Variants in MLYCD observed in about 807,000 individuals in gnomAD.
MLYCD encodes the protein malonyl-CoA decarboxylase, mitochondrial.
In MLYCD, 27 loss-of-function variants were observed where a neutral mutation model predicts 35.8. That is an observed-to-expected ratio of 0.75 (90% confidence interval 0.56 to 1.04). MLYCD has a LOEUF of 1.04. MLYCD is among the 50% of genes least tolerant of loss of function. The pLI is 0.00. For missense variants in MLYCD, 917 were observed against 665.1 expected (o/e 1.38, Z -4.17); for synonymous variants, 403 against 302.4 (o/e 1.33, Z -3.45).
At chr16:83,905,755 G>T (rs112514941) in intron 1 of MLYCD, among the ~76,000 whole-genome samples, 1 of 152,198 alleles carries the variant, frequency 6.6e-6, no homozygotes, top group African/African-American at 2.4e-5. Context: ...GCCCCCAGCC[G>T]CAGTGCAATC....
chr16:83,912,314 C>A lies in MLYCD; in HGVS notation c.895C>A (p.Gln299Lys). 1 of 1,614,172 alleles carries A rather than the reference C, an allele frequency of 6.2e-7. No individual in the cohort carries two copies. Among genetic ancestry groups the A allele is most frequent in the Non-Finnish European group, 8.5e-7 (1 of 1,180,026 alleles). The change falls in exon 4 of 5, where the codon CAA becomes AAA. Residue 299 changes from glutamine (Q) to lysine (K), a missense_variant. By Grantham distance (53) the Gln-to-Lys change is moderately conservative. Coordinates refer to ENST00000262430, the MANE Select transcript of MLYCD (RefSeq NM_012213.3). Reference protein sequence around the residue: ...YSISLTQQGLQGVELGTFLIK... With the variant: ...YSISLTQQGLKGVELGTFLIK... ...CATCAGCTTGACCCAGCAGGGACTC[C>A]AAGGGGTGGAGCTGGGAACATTCCT...
In MLYCD at chr16:83,918,476, A is replaced by ACACAGTGCACAGGAGAACACG. The variant is rs1567638994; in HGVS notation, c.*3008_*3028dup. 9.8e-5 allele frequency: 13 copies of ACACAGTGCACAGGAGAACACG among 133,232 alleles called. No individual in the cohort carries two copies. Among genetic ancestry groups the ACACAGTGCACAGGAGAACACG allele is most frequent in the African/African-American group, 3.5e-4 (13 of 37,442 alleles). 8.3% of individuals were successfully genotyped at this position (133,232 alleles called of 1,614,324 possible). Reference sequence around the variant, plus strand: ...GCACACACGGTGCACAGGAGAACACACACAGTGCACAGGAGAACACGCACA... The same window carrying ACACAGTGCACAGGAGAACACG: ...GCACACACGGTGCACAGGAGAACACACACAGTGCACAGGAGAACACGCACAGTGCACAGGAGAACACGCACA... On this transcript the variant is annotated 3_prime_UTR_variant, in exon 5 of 5. Transcript: ENST00000262430.
chr16:83,915,372 C>G lies in MLYCD; in HGVS notation c.1365C>G (p.Arg455=). ...TGSCGLMANY[R]YFLEETGPNS... ...CCTGCGGCCTGATGGCCAACTACCG[C>G]TACTTCCTGGAGGAGACGGGCCCCA... Residue 455 remains arginine (R), a synonymous_variant, in exon 5 of 5, where the codon CGC becomes CGG. Transcript: ENST00000262430. The G allele has an allele frequency of 6.2e-7, 1 of 1,613,872 alleles. No individual in the cohort carries two copies. The highest frequency in any genetic ancestry group is 8.5e-7 in the Non-Finnish European group (1 of 1,180,046).
In MLYCD at chr16:83,916,171, T is replaced by C. The variant is rs1907379389; in HGVS notation, c.*682T>C. The C allele has an allele frequency of 7.1e-6, 7 of 990,560 alleles. No homozygotes were observed. Among genetic ancestry groups the C allele is most frequent in the Non-Finnish European group, 8.4e-6 (7 of 831,978 alleles). The allele number at this position is 990,560 out of a possible 1,614,324, so 61.4% of individuals were successfully genotyped here. A position where few individuals can be genotyped will look rare whatever the true frequency, so the allele number is the denominator to read the frequency against. ...CACAGTAAAGAACACGTTTGTTCTG[T>C]AAAGCATTGAACATCTGATTGTGTA... On this transcript the variant is annotated 3_prime_UTR_variant, in exon 5 of 5. Coordinates refer to ENST00000262430, the MANE Select transcript of MLYCD (RefSeq NM_012213.3).
At chr16:83,902,956 A>G (rs1174216064) in intron 1 of MLYCD, among the ~76,000 whole-genome samples, 2 of 151,910 alleles carry the variant, frequency 1.3e-5, no homozygotes, top group Non-Finnish European at 2.9e-5. Context: ...TGAGGATGTG[A>G]TGTGTCTGGG....
At chr16:83,902,154 C>CATATATATATATATAT (rs1555537762) in intron 1 of MLYCD, among the ~76,000 whole-genome samples, 1 of 84,454 alleles carries the variant, frequency 1.2e-5, no homozygotes, top group Non-Finnish European at 2.4e-5. Flanking sequence ...TGTGTGCGTG[C>CATATATATATATATAT]GTATATATAT....
chr16:83,921,589 C>G lies in MLYCD; in HGVS notation c.*6100C>G, dbSNP rs2075309223. 6.6e-6 allele frequency: 1 copy of G among 152,084 alleles called. No homozygotes were observed. The highest frequency in any genetic ancestry group is 1.5e-5 in the Non-Finnish European group (1 of 68,030). The allele number at this position is 152,084 out of a possible 1,614,324, so 9.4% of individuals were successfully genotyped here. ...ACATCCCTTCTCCATGCCTCAGTCC[C>G]CATCATAAGGAGAAAGAGCCTGTCG... On this transcript the variant is annotated 3_prime_UTR_variant, in exon 5 of 5. Coordinates refer to ENST00000262430, the MANE Select transcript of MLYCD (RefSeq NM_012213.3).
chr16:83,918,069 T>C lies in MLYCD; in HGVS notation c.*2580T>C, dbSNP rs1360149166. On this transcript the variant is annotated 3_prime_UTR_variant, in exon 5 of 5. Transcript: ENST00000262430. ...ACGCCTGAGGTAGGTCTCGGAATAG[T>C]GTTCAAATCCATTTTACTATTGCGG... 4 of 152,226 alleles carry C rather than the reference T, an allele frequency of 2.6e-5. No individual in the cohort carries two copies. Among genetic ancestry groups the C allele is most frequent in the Admixed American group, 2.0e-4 (3 of 15,290 alleles). 9.4% of individuals were successfully genotyped at this position (152,226 alleles called of 1,614,324 possible). A position where few individuals can be genotyped will look rare whatever the true frequency, so the allele number is the denominator to read the frequency against.
intron 4 of MLYCD, chr16:83,913,908 G>A (rs913944728): frequency 6.6e-6 from 1 of 151,646 alleles, no homozygotes; most frequent in African/African-American, 2.4e-5. Context: ...ATAATAGGCT[G>A]CTTTTTTTAT....
Position 83,919,735 on chromosome 16 carries a change from ACAG to A in MLYCD, c.*4247_*4249del, listed in dbSNP as rs1907584234. 6.6e-6 allele frequency: 1 copy of A among 151,384 alleles called. No homozygotes were observed. The highest frequency in any genetic ancestry group is 1.5e-5 in the Non-Finnish European group (1 of 68,368). 9.4% of individuals were successfully genotyped at this position (151,384 alleles called of 1,614,324 possible). On this transcript the variant is annotated 3_prime_UTR_variant, in exon 5 of 5. Transcript: ENST00000262430. ...GGAGAACACACAGTGCACAGAACACACAGTGCACAGAACACACGGTGCACAGGA... is the reference window on the plus strand; with the variant it reads ...GGAGAACACACAGTGCACAGAACACATGCACAGAACACACGGTGCACAGGA...
chr16:83,906,899 T>C, intron 1 of MLYCD, 88 bp from the exon 2 acceptor site: 1 of 1,086,310 alleles, frequency 9.2e-7, no homozygotes, highest in Non-Finnish European at 1.4e-6. Flanking sequence ...CGTGCTTGAG[T>C]GTTTTCATTC....
Position 83,901,754 on chromosome 16 carries a change from G to C in MLYCD, c.528+2082G>C, listed in dbSNP as rs183931217. Among the ~76,000 whole-genome samples, 5 of 152,302 alleles carry C rather than the reference G, an allele frequency of 3.3e-5. No individual in the cohort carries two copies. In the South Asian group the frequency reaches 6.2e-4, roughly 19 times the overall value. On this transcript the variant is annotated intron_variant, in intron 1 of 4. Transcript: ENST00000262430. ...CTTGACTGTTGAGAGAAAGGAGCTGGCCCCTGGGAAATACAGAGGCTGCTG... is the reference window on the plus strand; with the variant it reads ...CTTGACTGTTGAGAGAAAGGAGCTGCCCCCTGGGAAATACAGAGGCTGCTG...
intron 4 of MLYCD, chr16:83,913,818 A>C (rs1401482279): frequency 6.6e-6 from 1 of 151,850 alleles, no homozygotes; most frequent in Non-Finnish European, 1.5e-5. Flanking sequence ...AAAAAAAAAA[A>C]AAAACAGTGG....
intron 1 of MLYCD, 64 bp from the exon 2 acceptor site, chr16:83,906,923 C>T: frequency 7.3e-7 from 1 of 1,373,246 alleles, no homozygotes; most frequent in East Asian, 2.3e-5. Context: ...GTGCTGACCA[C>T]AACACAGAGA....
At chr16:83,911,192 G>T (rs1042488125) in intron 3 of MLYCD, among the ~76,000 whole-genome samples, 1 of 151,968 alleles carries the variant, frequency 6.6e-6, no homozygotes, top group East Asian at 1.9e-4. Flanking sequence ...GTTAGCCAGG[G>T]TGGTCTCGAT....
chr16:83,910,253 A>G (rs1907127747), intron 3 of MLYCD, among the ~76,000 whole-genome samples: 1 of 140,350 alleles, frequency 7.1e-6, no homozygotes, highest in East Asian at 2.0e-4. Flanking sequence ...ACTTAGTTTT[A>G]TCAATTTTTT....
At chr16:83,907,988 C>A (rs1907040399) in intron 2 of MLYCD, 138 bp from the exon 3 acceptor site, 1 of 1,116,260 alleles carries the variant, frequency 9.0e-7, no homozygotes, top group Admixed American at 2.5e-5. Flanking sequence ...AAATGACTTT[C>A]TTTGAATTTT....
chr16:83,914,902 C>A, intron 4 of MLYCD, 54 bp from the exon 5 acceptor site: 1 of 1,612,908 alleles, frequency 6.2e-7, no homozygotes. Flanking sequence ...GGTAACGTAC[C>A]TGCTGAATTT....
rs1475644745 is a variant in MLYCD at position 83,917,440 on chromosome 16, C to G, written c.*1951C>G. ...CTGTGTGCGTGTGTCCGCAGTTGCCCTGTCCTCGCTGTCCTCGGTTTGGCA... is the reference window on the plus strand; with the variant it reads ...CTGTGTGCGTGTGTCCGCAGTTGCCGTGTCCTCGCTGTCCTCGGTTTGGCA... On this transcript the variant is annotated 3_prime_UTR_variant, in exon 5 of 5. Coordinates refer to ENST00000262430, the MANE Select transcript of MLYCD (RefSeq NM_012213.3). The G allele has an allele frequency of 1.3e-5, 2 of 154,618 alleles. No homozygotes were observed. Among genetic ancestry groups the G allele is most frequent in the African/African-American group, 4.8e-5 (2 of 41,550 alleles). The allele number at this position is 154,618 out of a possible 1,614,324, so 9.6% of individuals were successfully genotyped here. A position where few individuals can be genotyped will look rare whatever the true frequency, so the allele number is the denominator to read the frequency against.
Sources: allele counts gnomAD v4.1 joint callset (sites outside exome capture counted in the v4.1 genomes callset), GRCh38; gene constraint gnomAD v4.1.1; transcripts MANE v1.5; gene names NCBI Gene and HGNC (gene_info 2026-07-23, HGNC 2026-07-21).